Variants in OPRM1 observed in about 807,000 individuals in gnomAD.
OPRM1 encodes mu-type opioid receptor.
A neutral mutation model predicts 31.8 loss-of-function variants in OPRM1; 27 were observed. The ratio of observed to expected loss-of-function variants is 0.85; its 90% CI spans 0.63 to 1.17. OPRM1 has a LOEUF of 1.17. OPRM1 is among the 50% of genes most tolerant of loss of function. The probability of loss-of-function intolerance (pLI) is 0.00; values close to 1 mark genes in which losing one functional copy is unlikely to be tolerated. For synonymous variants in OPRM1, 196 were observed against 189.9 expected (o/e 1.03, Z -0.26); for missense variants, 536 against 511.1 (o/e 1.05, Z -0.47).
At chr6:154,197,554 G>T (rs1286180765) in intron 3 of OPRM1, among the ~76,000 whole-genome samples, 1 of 152,206 alleles carries the variant, frequency 6.6e-6, no homozygotes, top group East Asian at 1.9e-4. Flanking sequence ...GAAGTATACA[G>T]ATTTTGCTGG....
chr6:154,149,279 A>G (rs1350092819), intron 3 of OPRM1, among the ~76,000 whole-genome samples: 1 of 152,096 alleles, frequency 6.6e-6, no homozygotes, highest in African/African-American at 2.4e-5. Flanking sequence ...AGCAAAGGAG[A>G]GTGGGAAAGT....
intron 3 of OPRM1, among the ~76,000 whole-genome samples, chr6:154,145,762 G>A (rs575447501): frequency 1.8e-4 from 28 of 152,310 alleles, no homozygotes; most frequent in South Asian, 4.1e-4. Context: ...AAAGATGTGC[G>A]GTATTGACAG....
chr6:154,226,861 C>T (rs981683657), intron 3 of OPRM1, among the ~76,000 whole-genome samples: 4 of 152,120 alleles, frequency 2.6e-5, no homozygotes, highest in Admixed American at 2.0e-4. Flanking sequence ...CCCCCTCCCC[C>T]ATTCAGCCAA....
chr6:154,095,173 T>C (rs1296995010), intron 3 of OPRM1, among the ~76,000 whole-genome samples: 3 of 152,118 alleles, frequency 2.0e-5, no homozygotes, highest in Admixed American at 6.5e-5. Flanking sequence ...TACCTGTAAT[T>C]CCAGCTATTT....
At chr6:154,111,988 ATC>A (rs1274517474) in intron 3 of OPRM1, among the ~76,000 whole-genome samples, 2 of 152,094 alleles carry the variant, frequency 1.3e-5, no homozygotes, top group Non-Finnish European at 2.9e-5. Context: ...GATGGTCTCG[ATC>A]TCCTGACCTT....
chr6:154,075,775 G>C lies in OPRM1; in HGVS notation c.291-14051G>C, dbSNP rs560846869. ...ACTTGGAAGACTCAACCCCACCTCT[G>C]AGAGACTTCCCATCTGTTAGAGGGA... On this transcript the variant is annotated intron_variant, in intron 1 of 3. Transcript: ENST00000330432. Among the ~76,000 whole-genome samples the C allele has an allele frequency of 1.6e-4, 25 of 152,300 alleles. 1 individual carries two copies. Among genetic ancestry groups the C allele is most frequent in the Admixed American group, 1.2e-3 (19 of 15,306 alleles).
chr6:154,134,664 G>A (rs1381382434), downstream of OPRM1, among the ~76,000 whole-genome samples: 1 of 152,110 alleles, frequency 6.6e-6, no homozygotes, highest in Non-Finnish European at 1.5e-5. Context: ...TATTCAACCA[G>A]GGCTCAGACT....
intron 3 of OPRM1, among the ~76,000 whole-genome samples, chr6:154,203,816 G>T (rs1777266730): frequency 6.6e-6 from 1 of 152,146 alleles, no homozygotes; most frequent in Non-Finnish European, 1.5e-5. Flanking sequence ...GAATTGGCCA[G>T]AACCAGCTTT....
At chr6:154,107,037 A>G (rs775159486) in intron 3 of OPRM1, among the ~76,000 whole-genome samples, 9 of 152,342 alleles carry the variant, frequency 5.9e-5, no homozygotes, top group Middle Eastern at 3.4e-3. Context: ...TATATTTCTA[A>G]GCCAATTAAT....
chr6:154,159,571 G>C lies in OPRM1; in HGVS notation c.1164+68099G>C. The C allele has an allele frequency of 1.0e-5, 5 of 483,074 alleles. No individual in the cohort carries two copies. In the South Asian group the frequency reaches 1.3e-4, roughly 13 times the overall value. 29.9% of individuals were successfully genotyped at this position (483,074 alleles called of 1,614,324 possible). ...ATCCCCCCTAGAGCCCCACATCACC[G>C]TGAGCTCCCAGTAGGAACACAAAAA... On this transcript the variant is annotated intron_variant, in intron 3 of 3. Coordinates refer to the OPRM1 transcript ENST00000337049.
intron 3 of OPRM1, among the ~76,000 whole-genome samples, chr6:154,230,678 T>A (rs1052922502): frequency 6.6e-6 from 1 of 152,168 alleles, no homozygotes; most frequent in South Asian, 2.1e-4. Context: ...GGTTAAAAAA[T>A]GAAAAGTAAT....
intron 3 of OPRM1, among the ~76,000 whole-genome samples, chr6:154,150,647 A>T (rs1387565852): frequency 6.6e-6 from 1 of 152,178 alleles, no homozygotes; most frequent in Non-Finnish European, 1.5e-5. Flanking sequence ...TTTCAAGTGA[A>T]CCTGGGGATT....
chr6:154,023,979 A>G (rs1038804564), intron 1 of OPRM1, among the ~76,000 whole-genome samples: 1 of 152,072 alleles, frequency 6.6e-6, no homozygotes, highest in African/African-American at 2.4e-5. Flanking sequence ...AGTGTTCATC[A>G]GAGGTCTTGG....
Position 154,121,766 on chromosome 6 carries a change from C to T in OPRM1, c.*3045C>T, listed in dbSNP as rs898064123. Among the ~76,000 whole-genome samples, 13 of 152,234 alleles carry T rather than the reference C, an allele frequency of 8.5e-5. No homozygotes were observed. Among genetic ancestry groups the T allele is most frequent in the African/African-American group, 2.9e-4 (12 of 41,536 alleles). On this transcript the variant is annotated 3_prime_UTR_variant, in exon 4 of 4. Transcript: ENST00000330432. ...GAAATGTAAGATACAAAGAAAACAC[C>T]TCTGCAAAGATTCCGACCACATTTA...
chr6:154,111,805 C>G (rs751484275), intron 3 of OPRM1, among the ~76,000 whole-genome samples: 2 of 152,060 alleles, frequency 1.3e-5, no homozygotes, highest in Non-Finnish European at 2.9e-5. Flanking sequence ...CTCGCTCTGT[C>G]GCCCAGCTGG....
At chr6:154,115,375 A>G (rs184257048) in intron 3 of OPRM1, among the ~76,000 whole-genome samples, 18 of 152,248 alleles carry the variant, frequency 1.2e-4, no homozygotes, top group African/African-American at 4.3e-4. Context: ...CCCCGTCTCT[A>G]CCAAAAATAC....
intron 3 of OPRM1, among the ~76,000 whole-genome samples, chr6:154,152,606 T>C (rs1172198047): frequency 6.6e-6 from 1 of 151,800 alleles, no homozygotes; most frequent in Non-Finnish European, 1.5e-5. Flanking sequence ...TGCTTGATGA[T>C]ACTTGATTCT....
At chr6:154,034,790 T>C (rs1039828409), upstream of OPRM1, among the ~76,000 whole-genome samples, 2 of 152,098 alleles carry the variant, frequency 1.3e-5, no homozygotes, top group African/African-American at 4.8e-5. Context: ...TAACTGGAAA[T>C]TGAAGAGCAA....
intron 1 of OPRM1, among the ~76,000 whole-genome samples, chr6:154,064,547 C>T (rs904373731): frequency 6.6e-6 from 1 of 152,156 alleles, no homozygotes; most frequent in Non-Finnish European, 1.5e-5. Flanking sequence ...AGTATCATAT[C>T]CAAGAAATCT....
Sources: allele counts gnomAD v4.1 joint callset (sites outside exome capture counted in the v4.1 genomes callset), GRCh38; gene constraint gnomAD v4.1.1; transcripts MANE v1.5; gene names NCBI Gene and HGNC (gene_info 2026-07-23, HGNC 2026-07-21).